CDH13: variants seen among roughly 807,000 people sequenced by gnomAD.
CDH13 encodes the protein cadherin-13.
CDH13 carries 24 observed loss-of-function variants against 63.8 expected under a neutral mutation model. The observed-to-expected ratio is 0.38, with a 90% confidence interval of 0.27 to 0.53. CDH13 has a LOEUF of 0.53. CDH13 is among the 20% of genes least tolerant of loss of function. CDH13 has a pLI of 0.85. For synonymous variants in CDH13, 503 were observed against 355.3 expected, an observed-to-expected ratio of 1.42 and a Z score of -4.67; for missense variants, 1,049 against 903.1, an observed-to-expected ratio of 1.16 and a Z score of -2.07.
At chr16:83,248,633 C>T (rs536260781) in intron 5 of CDH13, among the ~76,000 whole-genome samples, 2 of 152,264 alleles carry the variant, frequency 1.3e-5, no homozygotes, top group East Asian at 1.9e-4. Context: ...ATACTTTTCC[C>T]CTAAAGGTGT....
intron 3 of CDH13, among the ~76,000 whole-genome samples, chr16:83,083,696 T>A (rs559852392): frequency 1.1e-4 from 17 of 152,352 alleles, no homozygotes; most frequent in African/African-American, 4.1e-4. Flanking sequence ...GTCTTTTCAA[T>A]ATGAGCCTCT....
At chr16:82,649,362 AGG>A (rs1910468034) in intron 1 of CDH13, among the ~76,000 whole-genome samples, 2 of 152,178 alleles carry the variant, frequency 1.3e-5, no homozygotes, top group South Asian at 4.1e-4. Context: ...AACTATATGA[AGG>A]GGAAGGAATC....
intron 2 of CDH13, among the ~76,000 whole-genome samples, chr16:83,026,724 A>T (rs8062574): frequency 0.1 from 15,407 of 152,220 alleles, 930 homozygotes; most frequent in African/African-American, 0.16. Context: ...AGTCCTTTGC[A>T]TAGAGCGTAG....
At chr16:83,260,592 T>A (rs1023691749) in intron 5 of CDH13, among the ~76,000 whole-genome samples, 9 of 152,142 alleles carry the variant, frequency 5.9e-5, no homozygotes, top group African/African-American at 2.2e-4. Flanking sequence ...GGGACTGAGA[T>A]TCTGCTCCCA....
chr16:83,773,953 C>T (rs1914933408), intron 11 of CDH13, among the ~76,000 whole-genome samples: 1 of 152,166 alleles, frequency 6.6e-6, no homozygotes, highest in Non-Finnish European at 1.5e-5. Flanking sequence ...CCCTGCCTGG[C>T]ATGGTCTTGT....
In CDH13 at chr16:83,400,329, C is replaced by T. The variant is rs75338150; in HGVS notation, c.781+55323C>T. ...ATCAAGTGTTTGGCTTTCTGGTGCT[C>T]TGATGCAGGAAGTTTGTTTTCTCAG... On this transcript the variant is annotated intron_variant, in intron 6 of 13. Transcript: ENST00000567109. Among the ~76,000 whole-genome samples the T allele has an allele frequency of 3.3e-5, 5 of 152,270 alleles. No homozygotes were observed. In the East Asian group the frequency reaches 9.7e-4, roughly 29 times the overall value.
intron 7 of CDH13, among the ~76,000 whole-genome samples, chr16:83,518,959 T>G (rs921394732): frequency 6.6e-6 from 1 of 152,218 alleles, no homozygotes; most frequent in Non-Finnish European, 1.5e-5. Context: ...TATGTCTTTA[T>G]TAGTAGCTTG....
chr16:83,268,583 A>T (rs1432687645), intron 5 of CDH13, among the ~76,000 whole-genome samples: 1 of 152,212 alleles, frequency 6.6e-6, no homozygotes, highest in Admixed American at 6.5e-5. Context: ...GACAAAGTCT[A>T]CGTTTCTACG....
intron 8 of CDH13, among the ~76,000 whole-genome samples, chr16:83,625,843 C>A (rs1027084724): frequency 2.6e-5 from 4 of 152,158 alleles, no homozygotes; most frequent in African/African-American, 9.7e-5. Context: ...TCGGCCTACC[C>A]TTTTACGTAA....
At chr16:83,748,001 T>C in intron 10 of CDH13, 107 bp from the exon 11 acceptor site, 1 of 1,202,124 alleles carries the variant, frequency 8.3e-7, no homozygotes, top group South Asian at 1.3e-5. Flanking sequence ...TGGATTTTTG[T>C]TACCTAGGAT....
At chr16:83,548,507 G>T (rs1256927257) in intron 7 of CDH13, among the ~76,000 whole-genome samples, 2 of 152,218 alleles carry the variant, frequency 1.3e-5, no homozygotes, top group Non-Finnish European at 2.9e-5. Context: ...AAACATCAGA[G>T]ATGCAGTGTC....
chr16:82,697,525 T>C (rs1282136479), intron 1 of CDH13, among the ~76,000 whole-genome samples: 1 of 145,266 alleles, frequency 6.9e-6, no homozygotes, highest in African/African-American at 2.6e-5. Context: ...TGCCTCCGGG[T>C]TCAAGCAATT....
intron 7 of CDH13, among the ~76,000 whole-genome samples, chr16:83,575,395 A>C (rs1331472529): frequency 6.6e-6 from 1 of 152,218 alleles, no homozygotes; most frequent in Non-Finnish European, 1.5e-5. Context: ...TTATCAAGTC[A>C]ACCGCCTGGT....
At chr16:82,788,117 A>C (rs1302407708) in intron 1 of CDH13, among the ~76,000 whole-genome samples, 2 of 152,170 alleles carry the variant, frequency 1.3e-5, no homozygotes, top group South Asian at 4.1e-4. Context: ...ATAAACATGA[A>C]ATGTGTGTCC....
chr16:83,406,604 C>A (rs534678894), intron 6 of CDH13, among the ~76,000 whole-genome samples: 2 of 152,292 alleles, frequency 1.3e-5, no homozygotes, highest in African/African-American at 4.8e-5. Flanking sequence ...GTTGGGACTA[C>A]AGGCGCACAT....
chr16:82,951,490 G>T (rs1474763348), intron 2 of CDH13, among the ~76,000 whole-genome samples: 2 of 152,188 alleles, frequency 1.3e-5, no homozygotes. Context: ...TCACCATGAG[G>T]TCGTTGGGTA....
At chr16:83,713,615 G>T (rs1042902474) in intron 10 of CDH13, among the ~76,000 whole-genome samples, 1 of 151,934 alleles carries the variant, frequency 6.6e-6, no homozygotes, top group Non-Finnish European at 1.5e-5. Context: ...GACTCTTTTA[G>T]TTAAAAAGGA....
At chr16:82,981,815 T>G (rs1910300987) in intron 2 of CDH13, among the ~76,000 whole-genome samples, 1 of 152,218 alleles carries the variant, frequency 6.6e-6, no homozygotes, top group Non-Finnish European at 1.5e-5. Flanking sequence ...CCGTAAGCCC[T>G]TCAACAGCTA....
chr16:83,264,632 G>A (rs866308312), intron 5 of CDH13, among the ~76,000 whole-genome samples: 2 of 151,014 alleles, frequency 1.3e-5, no homozygotes. Context: ...GGTTCTTTTT[G>A]ATTGAAGAAA....
Sources: gnomAD v4.1 joint callset for allele counts (sites outside exome capture counted in the v4.1 genomes callset) on GRCh38, gnomAD v4.1.1 for gene constraint, MANE v1.5 for transcripts, NCBI Gene and HGNC (gene_info 2026-07-23, HGNC 2026-07-21) for gene names.